LETM2: variants seen among roughly 807,000 people sequenced by gnomAD.
LETM2 encodes the protein leucine zipper and EF-hand containing transmembrane protein 2.
LETM2 carries 58 observed loss-of-function variants against 59.6 expected under a neutral mutation model. The observed-to-expected ratio is 0.97, with a 90% CI of 0.79 to 1.21. The LOEUF (loss-of-function observed/expected upper bound fraction) is 1.21, where lower values mean the gene tolerates loss of function less well. LETM2 is among the 50% of genes most tolerant of loss of function. The probability of loss-of-function intolerance (pLI) is 0.00; values close to 1 mark genes in which losing one functional copy is unlikely to be tolerated. For missense variants in LETM2, 572 were observed against 575.7 expected (o/e 0.99, Z 0.07); for synonymous variants, 199 against 214.1 (o/e 0.93, Z 0.62).
chr8:38,405,247 T>C (rs765378359), intron 8 of LETM2, among the ~76,000 whole-genome samples: 12 of 152,192 alleles, frequency 7.9e-5, no homozygotes, highest in Non-Finnish European at 1.5e-4. Flanking sequence ...GTCTTTCAAC[T>C]CATTTCCTTA....
chr8:38,398,876 C>T (rs967161898), intron 4 of LETM2, among the ~76,000 whole-genome samples: 16 of 151,988 alleles, frequency 1.1e-4, no homozygotes, highest in African/African-American at 3.9e-4. Flanking sequence ...TGTGCCACCA[C>T]GCCCGGCTAA....
Position 38,400,983 on chromosome 8 carries a change from C to T in LETM2, c.914C>T (p.Thr305Ile), listed in dbSNP as rs1813165185. ...CTTTGCAAACTGCTGGAATTGCAGA[C>T]ATTTGGAACCAACAACCTGCTCCGC... is the stretch of plus-strand genomic sequence containing the variant. ...VALCKLLELQ[T>I]FGTNNLLRFQ... Residue 305 changes from threonine (T) to isoleucine (I), a missense_variant, in exon 6 of 11, where the codon ACA becomes ATA. Physicochemically the swap from Thr to Ile is moderately conservative, Grantham distance 89. Coordinates refer to ENST00000379957, the MANE Select transcript of LETM2 (RefSeq NM_001286819.2). The T allele has an allele frequency of 6.2e-7, 1 of 1,614,026 alleles. No individual in the cohort carries two copies. The highest frequency in any genetic ancestry group is 1.7e-5 in the Admixed American group (1 of 60,004).
At chr8:38,400,439 C>T in intron 5 of LETM2, 30 bp downstream of exon 5, 1 of 1,535,666 alleles carries the variant, frequency 6.5e-7, no homozygotes. Context: ...TGCCGAACAA[C>T]TTCGGGGCTG....
chr8:38,407,245 C>T (rs529326567), intron 9 of LETM2, 117 bp from the exon 10 acceptor site: 5 of 897,500 alleles, frequency 5.6e-6, no homozygotes, highest in Non-Finnish European at 3.6e-6. Flanking sequence ...CCTTTTGAAT[C>T]CTGTGCCAGG....
chr8:38,382,645 G>A (rs1327457946), upstream of LETM2: 1 of 152,320 alleles, frequency 6.6e-6, no homozygotes, highest in Non-Finnish European at 1.5e-5. The surrounding 1 kb of genome is among the most constrained non-coding windows in gnomAD (Gnocchi z 4.2). Flanking sequence ...AGCGCCATAC[G>A]GCGCTCCTCA....
rs751127076 is a variant in LETM2 at position 38,401,071 on chromosome 8, G to C, written c.984+18G>C. 1.3e-6 allele frequency: 2 copies of C among 1,598,982 alleles called. No individual in the cohort carries two copies. Among genetic ancestry groups the C allele is most frequent in the Admixed American group, 1.7e-5 (1 of 59,958 alleles). On this transcript the variant is annotated intron_variant, in intron 6 of 10. Coordinates refer to ENST00000379957, the MANE Select transcript of LETM2 (RefSeq NM_001286819.2). ...ATGATGAAGTAAGAGCTTAACCATAGCTCTAGGGAATTAGCAAGGTTTTGG... is the reference window on the plus strand; with the variant it reads ...ATGATGAAGTAAGAGCTTAACCATACCTCTAGGGAATTAGCAAGGTTTTGG...
intron 4 of LETM2, 186 bp downstream of exon 4, chr8:38,394,427 T>C: frequency 2.3e-6 from 1 of 433,642 alleles, no homozygotes. Flanking sequence ...TGACATGTTA[T>C]TATTAAAGCT....
intron 8 of LETM2, among the ~76,000 whole-genome samples, chr8:38,406,105 T>C (rs1194816599): frequency 1.3e-5 from 2 of 152,190 alleles, no homozygotes; most frequent in Admixed American, 1.3e-4. Context: ...GTTTTTCAAA[T>C]CTAATTCCTA....
intron 1 of LETM2, chr8:38,387,204 C>T (rs1811843085): frequency 6.6e-6 from 1 of 152,244 alleles, no homozygotes. Flanking sequence ...GGTTTCGAGC[C>T]CCTGTTGAAA....
chr8:38,393,944 C>T, intron 3 of LETM2, 154 bp from the exon 4 acceptor site: 2 of 539,616 alleles, frequency 3.7e-6, no homozygotes, highest in Non-Finnish European at 6.0e-6. Flanking sequence ...TGCGTGAGCC[C>T]AGGAGTTTGA....
chr8:38,391,572 C>T (rs752836578), intron 2 of LETM2, among the ~76,000 whole-genome samples: 30 of 151,966 alleles, frequency 2.0e-4, no homozygotes, highest in East Asian at 3.9e-4. Flanking sequence ...GGATTACAGG[C>T]GTGAGCCACT....
chr8:38,398,142 A>T (rs980204798), intron 4 of LETM2, among the ~76,000 whole-genome samples: 13 of 130,574 alleles, frequency 1.0e-4, no homozygotes, highest in African/African-American at 3.1e-4. Flanking sequence ...TTTTGTCTTA[A>T]AAAAAAAAAA....
In LETM2 at chr8:38,395,030, T is replaced by A. The variant is rs572212637; in HGVS notation, c.645+789T>A. ...GACTGGCTTCTTTCACCTAGCAATA[T>A]GCATTTCAAGTTCTTTTCATTGCTC... is the stretch of plus-strand genomic sequence containing the variant. On this transcript the variant is annotated intron_variant, in intron 4 of 10. Coordinates refer to ENST00000379957, the MANE Select transcript of LETM2 (RefSeq NM_001286819.2). Among the ~76,000 whole-genome samples, 93 of 152,302 alleles carry A rather than the reference T, an allele frequency of 6.1e-4. 4 individuals carry two copies. In the South Asian group the frequency reaches 0.019, roughly 32 times the overall value.
At chr8:38,401,189 T>C in intron 6 of LETM2, 136 bp downstream of exon 6, 1 of 705,108 alleles carries the variant, frequency 1.4e-6, no homozygotes, top group Non-Finnish European at 2.3e-6. Context: ...TCACCCAGGC[T>C]GCAGTGGCGC....
intron 10 of LETM2, among the ~76,000 whole-genome samples, chr8:38,407,671 C>T (rs1170196551): frequency 1.3e-5 from 2 of 152,020 alleles, no homozygotes; most frequent in African/African-American, 2.4e-5. Context: ...GTGGGTCAGA[C>T]TAAAACATGC....
intron 1 of LETM2, among the ~76,000 whole-genome samples, chr8:38,387,722 A>G (rs1290162823): frequency 2.0e-5 from 3 of 152,026 alleles, no homozygotes; most frequent in African/African-American, 7.2e-5. Context: ...CATCTTCATG[A>G]GCATCATCAT....
chr8:38,392,790 A>G lies in LETM2; in HGVS notation c.296A>G (p.His99Arg), dbSNP rs1029966464. Residue 99 changes from histidine (H) to arginine (R), a missense_variant, in exon 3 of 11, where the codon CAT becomes CGT. Coordinates refer to ENST00000379957, the MANE Select transcript of LETM2 (RefSeq NM_001286819.2). ...CCTCAGCTGGAGCAAGCCACAAAAC[A>G]TCCACAGGTGACAAGCCCTCAGGCC... is the stretch of plus-strand genomic sequence containing the variant. ...GKPQLEQATK[H>R]PQVTSPQATK... is the part of the protein sequence containing the mutation. 1.9e-6 allele frequency: 3 copies of G among 1,614,080 alleles called. No individual in the cohort carries two copies. Among genetic ancestry groups the G allele is most frequent in the Non-Finnish European group, 2.5e-6 (3 of 1,180,046 alleles).
intron 7 of LETM2, among the ~76,000 whole-genome samples, chr8:38,403,241 G>A (rs958509700): frequency 6.6e-6 from 1 of 152,192 alleles, no homozygotes; most frequent in South Asian, 2.1e-4. Context: ...AAGGTCAACC[G>A]ACTTGGGACT....
At chr8:38,388,717 T>C (rs1437968777) in intron 2 of LETM2, among the ~76,000 whole-genome samples, 5 of 135,332 alleles carry the variant, frequency 3.7e-5, no homozygotes, top group Non-Finnish European at 4.9e-5. Flanking sequence ...TAAAAATCCA[T>C]CTCAAAAAAA....
Sources: allele counts gnomAD v4.1 joint callset (sites outside exome capture counted in the v4.1 genomes callset), GRCh38; gene constraint gnomAD v4.1.1; non-coding constraint Gnocchi (gnomAD v3.1); transcripts MANE v1.5; gene names NCBI Gene and HGNC (gene_info 2026-07-23, HGNC 2026-07-21).